The following SLC28A1 variants were observed in gnomAD, a reference collection of about 807,000 sequenced individuals.
The protein encoded by SLC28A1 is sodium/nucleoside cotransporter 1.
SLC28A1 carries 64 observed loss-of-function variants against 74.8 expected under a neutral mutation model. That is an observed-to-expected ratio of 0.86 (90% CI 0.70 to 1.05). The LOEUF (loss-of-function observed/expected upper bound fraction) is 1.05. Among genes scored for constraint, SLC28A1 ranks in the 50% least tolerant of loss-of-function variants. The probability of loss-of-function intolerance (pLI) is 0.00; values close to 1 mark genes in which losing one functional copy is unlikely to be tolerated. For synonymous variants in SLC28A1, 359 were observed against 335.0 expected (o/e 1.07, Z -0.78); for missense variants, 828 against 822.8 (o/e 1.01, Z -0.08).
chr15:84,972,111 C>T, the SLC28A1 span, among the ~76,000 whole-genome samples: 1 of 152,230 alleles, frequency 6.6e-6, no homozygotes, highest in African/African-American at 2.4e-5. Context: ...CACAATAATC[C>T]AGCCCCTAAT....
At chr15:84,925,761 C>T (rs919506328) in intron 12 of SLC28A1, among the ~76,000 whole-genome samples, 1 of 152,076 alleles carries the variant, frequency 6.6e-6, no homozygotes, top group Non-Finnish European at 1.5e-5. Flanking sequence ...TGAGTACTCA[C>T]ATACTTTCTC....
At chr15:84,897,105 G>A (rs781214856) in intron 6 of SLC28A1, among the ~76,000 whole-genome samples, 3 of 151,946 alleles carry the variant, frequency 2.0e-5, no homozygotes, top group Non-Finnish European at 4.4e-5. Context: ...GGCCAGGCAC[G>A]GTGGCTCACG....
chr15:84,908,085 G>C (rs1967507891), intron 8 of SLC28A1, among the ~76,000 whole-genome samples: 1 of 151,960 alleles, frequency 6.6e-6, no homozygotes, highest in African/African-American at 2.4e-5. Context: ...TCAGGGGCCT[G>C]AGCGGCACAA....
At chr15:84,958,257 A>G in the SLC28A1 span, among the ~76,000 whole-genome samples, 2 of 151,532 alleles carry the variant, frequency 1.3e-5, no homozygotes, top group Non-Finnish European at 2.9e-5. Flanking sequence ...TCCTTCTGGA[A>G]CCCTGTGTTA....
chr15:84,973,971 T>A, the SLC28A1 span, among the ~76,000 whole-genome samples: 1 of 151,968 alleles, frequency 6.6e-6, no homozygotes, highest in East Asian at 1.9e-4. Context: ...AGGACACATC[T>A]CCCCTGACAA....
chr15:84,960,799 A>G, the SLC28A1 span, among the ~76,000 whole-genome samples: 1 of 152,168 alleles, frequency 6.6e-6, no homozygotes, highest in Non-Finnish European at 1.5e-5. Context: ...AACATTCCTT[A>G]TCTCTCCTGT....
rs767792375 is a variant in SLC28A1 at position 84,935,139 on chromosome 15, A to G, written c.1328A>G (p.Asn443Ser). Residue 443 changes from asparagine (N) to serine (S), a missense_variant, in exon 14 of 19, where the codon AAT becomes AGT. By Grantham distance (46) the Asn-to-Ser change is conservative. Transcript: ENST00000394573. ...TTCCTGGCTGTGCTGGACTTTATCAATGCTGCCCTCTCCTGGCTGGGAGAC... is the reference window on the plus strand; with the variant it reads ...TTCCTGGCTGTGCTGGACTTTATCAGTGCTGCCCTCTCCTGGCTGGGAGAC... ...IAFLAVLDFI[N>S]AALSWLGDMV... 1.7e-5 allele frequency: 27 copies of G among 1,614,134 alleles called. No individual in the cohort carries two copies. Among genetic ancestry groups the G allele is most frequent in the South Asian group, 8.8e-5 (8 of 91,082 alleles).
chr15:84,938,628 A>C (rs1972249724), intron 15 of SLC28A1: 1 of 152,110 alleles, frequency 6.6e-6, no homozygotes. Context: ...GGAGAATTAC[A>C]CAGACATGGC....
rs188699297 is a variant in SLC28A1 at position 84,912,342 on chromosome 15, A to T, written c.795+3547A>T. 3.8e-3 allele frequency among the ~76,000 whole-genome samples: 577 copies of T among 152,302 alleles called. 1 individual carries two copies. The highest frequency in any genetic ancestry group is 0.013 in the African/African-American group (545 of 41,564). ...CCTTTGGCCAGTTTCAGTCTGGGGA[A>T]GTCTTCTCTGAGCTCACTCAGATTT... is the stretch of plus-strand genomic sequence containing the variant. On this transcript the variant is annotated intron_variant, in intron 9 of 18. Transcript: ENST00000394573.
chr15:84,898,538 C>T (rs983373591), intron 6 of SLC28A1, among the ~76,000 whole-genome samples: 1 of 150,014 alleles, frequency 6.7e-6, no homozygotes, highest in Non-Finnish European at 1.5e-5. Flanking sequence ...GAGATCTCGC[C>T]ACTGCACTCC....
At chr15:84,892,866 G>A (rs1184398635) in intron 5 of SLC28A1, among the ~76,000 whole-genome samples, 2 of 152,270 alleles carry the variant, frequency 1.3e-5, no homozygotes, top group African/African-American at 4.8e-5. Context: ...GAAGAAGGAG[G>A]TGCCTCTTGC....
At chr15:84,965,911 G>GGGGGGGGGGGGC in the SLC28A1 span, among the ~76,000 whole-genome samples, 6 of 145,858 alleles carry the variant, frequency 4.1e-5, no homozygotes, top group Admixed American at 1.4e-4. Context: ...GGAGGGGGGG[G>GGGGGGGGGGGGC]AAATATTAGG....
chr15:84,906,567 T>C (rs1317248899), intron 8 of SLC28A1, among the ~76,000 whole-genome samples: 3 of 15,322 alleles, frequency 2.0e-4, no homozygotes, highest in African/African-American at 6.6e-4. Context: ...TTTCTTTCTC[T>C]TTCTTTCTTC....
intron 5 of SLC28A1, among the ~76,000 whole-genome samples, chr15:84,892,114 C>T (rs1024899279): frequency 2.0e-5 from 3 of 151,994 alleles, no homozygotes; most frequent in Non-Finnish European, 4.4e-5. Context: ...TAGTGGGAGG[C>T]TGTAGTGGGA....
chr15:84,961,224 C>T, the SLC28A1 span, among the ~76,000 whole-genome samples: 58 of 152,146 alleles, frequency 3.8e-4, no homozygotes, highest in East Asian at 5.8e-4. Context: ...TTGAGAACAG[C>T]GTGACTCAGA....
the SLC28A1 span, among the ~76,000 whole-genome samples, chr15:84,962,742 A>G: frequency 1.3e-5 from 2 of 152,172 alleles, no homozygotes; most frequent in Non-Finnish European, 2.9e-5. Context: ...AGGGAGAGGA[A>G]AAGATTTTTA....
At chr15:84,909,769 T>C (rs1450701110) in intron 9 of SLC28A1, among the ~76,000 whole-genome samples, 1 of 152,222 alleles carries the variant, frequency 6.6e-6, no homozygotes. Context: ...CACTGATGCG[T>C]GGCACTGAGA....
At chr15:84,891,112 C>A (rs749103521) in intron 5 of SLC28A1, among the ~76,000 whole-genome samples, 1 of 152,006 alleles carries the variant, frequency 6.6e-6, no homozygotes, top group Non-Finnish European at 1.5e-5. Context: ...ACCCTCAAGG[C>A]CAGAGAGAGC....
intron 8 of SLC28A1, among the ~76,000 whole-genome samples, chr15:84,907,580 A>T (rs1967430793): frequency 6.6e-6 from 1 of 152,130 alleles, no homozygotes. Flanking sequence ...ATCTTAGCTC[A>T]TTGCAGCCTC....
Sources: allele counts gnomAD v4.1 joint callset (sites outside exome capture counted in the v4.1 genomes callset), GRCh38; gene constraint gnomAD v4.1.1; transcripts MANE v1.5; gene names NCBI Gene and HGNC (gene_info 2026-07-23, HGNC 2026-07-21).